Variants in TTC34 observed in about 807,000 individuals in gnomAD.
The protein encoded by TTC34 is tetratricopeptide repeat protein 34.
TTC34 carries 44 observed loss-of-function variants against 40.7 expected under a neutral mutation model. That is an observed-to-expected ratio of 1.08 (90% CI 0.85 to 1.39). The LOEUF is 1.39. Ranked by LOEUF, TTC34 falls within the 40% of genes most tolerant of loss-of-function variation. TTC34 has a pLI of 0.00. For missense variants in TTC34, 884 were observed against 838.0 expected (o/e 1.05, Z -0.68); for synonymous variants, 422 against 398.6 (o/e 1.06, Z -0.70).
exon 3 of TTC34, chr1:2,789,779 C>A: frequency 5.5e-6 from 3 of 547,988 alleles, no homozygotes; most frequent in South Asian, 3.6e-5. Flanking sequence ...GCGCACACAG[C>A]CCCCCGGGTG....
intron 6 of TTC34, among the ~76,000 whole-genome samples, chr1:2,698,542 C>A (rs377096176): frequency 7.7e-6 from 1 of 129,060 alleles, no homozygotes; most frequent in Admixed American, 7.3e-5. Flanking sequence ...AGGTGAGCAT[C>A]GGGCAGCCTG....
chr1:2,691,046 G>A lies in TTC34; in HGVS notation c.2227-45483C>T, dbSNP rs1160345077. ...CAACAGGCGAGCATCTGACAGCCTC[G>A]GTCAGCACCCACAAACCCAGGTGAG... On this transcript the variant is annotated intron_variant, in intron 6 of 8. Coordinates refer to ENST00000401095, the Ensembl canonical transcript of TTC34. Among the ~76,000 whole-genome samples, 3 of 84,300 alleles carry A rather than the reference G, an allele frequency of 3.6e-5. 1 individual carries two copies. The highest frequency in any genetic ancestry group is 7.6e-5 in the African/African-American group (2 of 26,244). 55.3% of individuals were successfully genotyped at this position (84,300 alleles called of 152,430 possible). A position where few individuals can be genotyped will look rare whatever the true frequency, so the allele number is the denominator to read the frequency against.
chr1:2,683,473 C>A (rs1259679779), intron 6 of TTC34, among the ~76,000 whole-genome samples: 2 of 150,034 alleles, frequency 1.3e-5, no homozygotes, highest in Admixed American at 6.7e-5. Context: ...GCACCCACAC[C>A]ACCAGGCGAG....
chr1:2,777,566 GA>G (rs1473904559), intron 6 of TTC34, among the ~76,000 whole-genome samples: 1 of 152,198 alleles, frequency 6.6e-6, no homozygotes, highest in African/African-American at 2.4e-5. Flanking sequence ...AACCAAGGCT[GA>G]GAGACAGGAC....
At chr1:2,779,514 C>T (rs890337900) in intron 6 of TTC34, among the ~76,000 whole-genome samples, 4 of 151,818 alleles carry the variant, frequency 2.6e-5, no homozygotes, top group Non-Finnish European at 5.9e-5. Context: ...TAGTAGAGAC[C>T]AGATTTCACC....
chr1:2,645,613 C>T lies in TTC34; in HGVS notation c.2227-50G>A. 1.4e-6 allele frequency: 2 copies of T among 1,434,954 alleles called. No individual in the cohort carries two copies. Among genetic ancestry groups the T allele is most frequent in the Non-Finnish European group, 1.8e-6 (2 of 1,095,622 alleles). 88.9% of individuals were successfully genotyped at this position (1,434,954 alleles called of 1,614,324 possible). On this transcript the variant is annotated intron_variant, in intron 6 of 8. Transcript: ENST00000401095. The surrounding 1 kb of genome is among the most constrained non-coding windows in gnomAD (Gnocchi z 4.7). The stretch of plus-strand genomic sequence containing the variant: ...TGCAGAGTTGTCCTAAGTAGAGAAA[C>T]TGGGCAGAGGGTCAGAGTAGGAGGA...
intron 6 of TTC34, among the ~76,000 whole-genome samples, chr1:2,674,318 C>G (rs1424365543): frequency 1.5e-5 from 1 of 68,214 alleles, no homozygotes; most frequent in African/African-American, 5.4e-5. Flanking sequence ...AGCACCCACT[C>G]CCCCAGGTGA....
At chr1:2,795,425 G>A (rs1235500795) in intron 2 of TTC34, among the ~76,000 whole-genome samples, 2 of 152,204 alleles carry the variant, frequency 1.3e-5, no homozygotes, top group East Asian at 3.8e-4. Context: ...CCGGGGCCTT[G>A]GTGATGGCTG....
In TTC34 at chr1:2,691,606, T is replaced by C. The variant is rs796347274; in HGVS notation, c.2227-46043A>G. On this transcript the variant is annotated intron_variant, in intron 6 of 8. Coordinates refer to ENST00000401095, the Ensembl canonical transcript of TTC34. The stretch of plus-strand genomic sequence containing the variant: ...ATGCCCAGGTGAGACCCTGACAGCC[T>C]GGAACAGCACCCTGCACCCCCAGGT... Among the ~76,000 whole-genome samples, 5 of 110,792 alleles carry C rather than the reference T, an allele frequency of 4.5e-5. 1 individual carries two copies. Among genetic ancestry groups the C allele is most frequent in the Middle Eastern group, 5.2e-3 (1 of 192 alleles). The allele number at this position is 110,792 out of a possible 152,430, so 72.7% of individuals were successfully genotyped here.
chr1:2,771,365 A>G (rs1171582428), intron 6 of TTC34, among the ~76,000 whole-genome samples: 1 of 53,138 alleles, frequency 1.9e-5, no homozygotes, highest in Non-Finnish European at 3.1e-5. Flanking sequence ...TTCTCCAACC[A>G]CAGGTGAGGA....
chr1:2,781,023 G>A lies in TTC34; in HGVS notation c.2226+2586C>T, dbSNP rs376485649. Among the ~76,000 whole-genome samples the A allele has an allele frequency of 3.2e-3, 493 of 152,214 alleles. 2 individuals carry two copies. Among genetic ancestry groups the A allele is most frequent in the African/African-American group, 0.01 (428 of 41,528 alleles). ...TATTCTTTTTAATTCTATTGTAGAT[G>A]GAATTACAGTTGACTCTTGAACACA... On this transcript the variant is annotated intron_variant, in intron 6 of 8. Transcript: ENST00000401095.
chr1:2,787,064 T>G (rs935378724), intron 4 of TTC34, among the ~76,000 whole-genome samples: 3 of 152,098 alleles, frequency 2.0e-5, no homozygotes, highest in Admixed American at 6.5e-5. Context: ...CAGGGGGTCT[T>G]GGAGGCAGGA....
chr1:2,748,185 G>T (rs1324165891), intron 6 of TTC34, among the ~76,000 whole-genome samples: 1 of 60,992 alleles, frequency 1.6e-5, no homozygotes, highest in East Asian at 4.9e-4. Context: ...TGAACCAACG[G>T]AGCAGAACCC....
intron 6 of TTC34, among the ~76,000 whole-genome samples, chr1:2,753,452 T>A (rs1319996724): frequency 3.0e-3 from 191 of 62,866 alleles, no homozygotes; most frequent in African/African-American, 0.017. Context: ...AACAGCAGCC[T>A]GCACCCCCAG....
intron 6 of TTC34, among the ~76,000 whole-genome samples, chr1:2,752,364 C>T (rs1359459190): frequency 8.0e-6 from 1 of 125,708 alleles, no homozygotes; most frequent in African/African-American, 3.4e-5. Context: ...TGGAACAGCA[C>T]CCACACCCCC....
intron 6 of TTC34, among the ~76,000 whole-genome samples, chr1:2,750,680 C>CCAAA (rs1641288469): frequency 8.5e-5 from 12 of 141,176 alleles, no homozygotes; most frequent in South Asian, 2.2e-4. Context: ...GGAACAGCAC[C>CCAAA]CTGCACCCCC....
intron 6 of TTC34, among the ~76,000 whole-genome samples, chr1:2,778,753 A>C (rs1321439938): frequency 8.0e-6 from 1 of 124,526 alleles, no homozygotes; most frequent in Non-Finnish European, 1.7e-5. Context: ...TTAAATATAC[A>C]TAACGTAAAA....
intron 6 of TTC34, among the ~76,000 whole-genome samples, chr1:2,749,304 T>C (rs1489306254): frequency 2.7e-3 from 31 of 11,458 alleles, no homozygotes; most frequent in East Asian, 7.5e-3. Context: ...CATCGGAGAG[T>C]CTGGAACAGA....
At chr1:2,779,939 C>T (rs920276414) in intron 6 of TTC34, among the ~76,000 whole-genome samples, 2 of 151,990 alleles carry the variant, frequency 1.3e-5, no homozygotes, top group Admixed American at 6.6e-5. Flanking sequence ...CACAGTGAAA[C>T]CTCGTCTCTA....
Sources: gnomAD v4.1 joint callset for allele counts (sites outside exome capture counted in the v4.1 genomes callset) on GRCh38, gnomAD v4.1.1 for gene constraint, Gnocchi (gnomAD v3.1) non-coding constraint, MANE v1.5 for transcripts, NCBI Gene and HGNC (gene_info 2026-07-23, HGNC 2026-07-21) for gene names.